The following GMPS variants were observed in gnomAD, a reference collection of about 807,000 sequenced individuals.
GMPS encodes the protein GMP synthase [glutamine-hydrolyzing].
GMPS carries 15 observed loss-of-function variants against 77.9 expected under a neutral mutation model. The observed-to-expected ratio is 0.19, with a 90% CI of 0.13 to 0.30. The LOEUF (loss-of-function observed/expected upper bound fraction) is 0.30, where lower values mean the gene tolerates loss of function less well. Ranked by LOEUF, GMPS falls within the 10% of genes least tolerant of loss-of-function variation. The pLI, the probability that GMPS is intolerant of heterozygous loss-of-function variation, is 1.00. For missense variants in GMPS, 590 were observed against 838.8 expected (o/e 0.70, Z 3.66); for synonymous variants, 224 against 275.9 (o/e 0.81, Z 1.86).
At position 155,894,380 on chromosome 3, in the gene GMPS, C is replaced by A. The variant is rs113963222; in HGVS notation, c.209+681C>A. On this transcript the variant is annotated intron_variant, in intron 2 of 15. Coordinates refer to ENST00000496455, the MANE Select transcript of GMPS (RefSeq NM_003875.3). ...CTGGAAGTACAGGCGGATGCCACCA[C>A]ACCTGGCTAATTTTTGTATTTTTAG... Among the ~76,000 whole-genome samples the A allele has an allele frequency of 5.2e-4, 79 of 152,186 alleles. 4 individuals carry two copies. The highest frequency in any genetic ancestry group is 1.8e-3 in the African/African-American group (76 of 41,532).
intron 3 of GMPS, among the ~76,000 whole-genome samples, chr3:155,898,394 G>A (rs1415650958): frequency 3.9e-5 from 6 of 152,148 alleles, no homozygotes; most frequent in South Asian, 2.1e-4. Flanking sequence ...AGTTGCACAC[G>A]TGATGCCCTG....
rs1754343601 is a variant in GMPS at position 155,886,594 on chromosome 3, A to G, written c.28-6924A>G. On this transcript the variant is annotated intron_variant, in intron 1 of 15. Coordinates refer to ENST00000496455, the MANE Select transcript of GMPS (RefSeq NM_003875.3). The stretch of plus-strand genomic sequence containing the variant: ...AAAAAAAAAAAAAAAAAAATCTAGC[A>G]TGTCTATTCCTGATGACTTTTTTTT... Among the ~76,000 whole-genome samples the G allele has an allele frequency of 3.8e-5, 5 of 132,556 alleles. No homozygotes were observed. The South Asian group carries it at 1.3e-3, about 36-fold the overall frequency. The allele number at this position is 132,556 out of a possible 152,430, so 87.0% of individuals were successfully genotyped here. A position where few individuals can be genotyped will look rare whatever the true frequency, so the allele number is the denominator to read the frequency against.
chr3:155,925,757 A>C (rs1036898779), intron 12 of GMPS, among the ~76,000 whole-genome samples: 4 of 152,072 alleles, frequency 2.6e-5, no homozygotes, highest in African/African-American at 9.7e-5. Flanking sequence ...GGCAGGGATC[A>C]AGAGGTCATT....
At position 155,916,124 on chromosome 3, in the gene GMPS, A is replaced by G; in HGVS notation, c.1144A>G (p.Ser382Gly). The G allele has an allele frequency of 1.2e-6, 2 of 1,613,482 alleles. No homozygotes were observed. The highest frequency in any genetic ancestry group is 1.7e-6 in the Non-Finnish European group (2 of 1,179,460). ...AATTGAAAGTGCATCCCTTGTTGCAAGTGGCAAAGCTGAACTCATCAAAAC... is the reference window on the plus strand; with the variant it reads ...AATTGAAAGTGCATCCCTTGTTGCAGGTGGCAAAGCTGAACTCATCAAAAC... ...DLIESASLVA[S>G]GKAELIKTHH... The change falls in exon 9 of 16, where the codon AGT (serine) becomes GGT (glycine). Residue 382 changes from serine (S) to glycine (G), a missense_variant. By Grantham distance (56) the Ser-to-Gly change is moderately conservative. This residue lies in a region of GMPS where 181 missense variants were observed against 186.8 expected (regional missense o/e 0.97). Coordinates refer to ENST00000496455, the MANE Select transcript of GMPS (RefSeq NM_003875.3).
intron 1 of GMPS, among the ~76,000 whole-genome samples, chr3:155,889,583 G>A (rs1250252879): frequency 1.3e-5 from 2 of 152,138 alleles, no homozygotes; most frequent in African/African-American, 4.8e-5. Context: ...GTGGTAGTTT[G>A]TCACCACCAA....
At position 155,893,545 on chromosome 3, in the gene GMPS, G is replaced by GATGGCCACCACC; in HGVS notation, c.57_68dup (p.Gly20_His23dup). 1 of 1,611,132 alleles carries GATGGCCACCACC rather than the reference G, an allele frequency of 6.2e-7. No individual in the cohort carries two copies. The highest frequency in any genetic ancestry group is 8.5e-7 in the Non-Finnish European group (1 of 1,178,234). ...GGAGAATGCTGGAGGAGACCTTAAGGATGGCCACCACCACTATGAAGGAGC... is the reference window on the plus strand; with the variant it reads ...GGAGAATGCTGGAGGAGACCTTAAGGATGGCCACCACCATGGCCACCACCACTATGAAGGAGC... On this transcript the variant is annotated inframe_insertion, in exon 2 of 16. Transcript: ENST00000496455.
At chr3:155,909,494 C>T (rs1754976191) in intron 5 of GMPS, among the ~76,000 whole-genome samples, 1 of 152,118 alleles carries the variant, frequency 6.6e-6, no homozygotes, top group African/African-American at 2.4e-5. Flanking sequence ...TACTGTGAAA[C>T]AATCTCTATG....
chr3:155,911,885 A>G (rs1435074011), intron 7 of GMPS, among the ~76,000 whole-genome samples: 1 of 151,766 alleles, frequency 6.6e-6, no homozygotes, highest in Non-Finnish European at 1.5e-5. Context: ...CTATTTAATG[A>G]TATTTATGTA....
intron 12 of GMPS, among the ~76,000 whole-genome samples, chr3:155,930,142 G>T (rs1755574759): frequency 6.9e-6 from 1 of 144,476 alleles, no homozygotes; most frequent in Non-Finnish European, 1.5e-5. Flanking sequence ...AAACAGCATG[G>T]TACTGGTACC....
chr3:155,923,804 A>AT (rs1190691463), intron 11 of GMPS, among the ~76,000 whole-genome samples: 14 of 152,264 alleles, frequency 9.2e-5, no homozygotes, highest in African/African-American at 2.9e-4. Flanking sequence ...TAGCCCTAGA[A>AT]TTTAATTGGT....
At chr3:155,874,978 G>A (rs1251800757) in intron 1 of GMPS, among the ~76,000 whole-genome samples, 1 of 143,764 alleles carries the variant, frequency 7.0e-6, no homozygotes, top group Non-Finnish European at 1.5e-5. Flanking sequence ...CATGATCTCG[G>A]CTCACTGCAA....
intron 8 of GMPS, 127 bp downstream of exon 8, chr3:155,914,697 A>G (rs1270572864): frequency 1.1e-5 from 6 of 551,770 alleles, no homozygotes; most frequent in Non-Finnish European, 1.9e-5. Flanking sequence ...TGTGGCTGAG[A>G]GTTTTATTGT....
At chr3:155,889,312 G>A (rs1002581143) in intron 1 of GMPS, among the ~76,000 whole-genome samples, 2 of 152,050 alleles carry the variant, frequency 1.3e-5, no homozygotes, top group African/African-American at 4.8e-5. Context: ...GCCCTCTCCT[G>A]GAAAGGATCT....
rs1308064564 is a variant in GMPS, at chr3:155,940,390, CT to C, written c.*2704del. 9.9e-6 allele frequency: 2 copies of C among 202,886 alleles called. No individual in the cohort carries two copies. The highest frequency in any genetic ancestry group is 7.6e-5 in the East Asian group (1 of 13,138). 12.6% of individuals were successfully genotyped at this position (202,886 alleles called of 1,614,324 possible). A position where few individuals can be genotyped will look rare whatever the true frequency, so the allele number is the denominator to read the frequency against. The stretch of plus-strand genomic sequence containing the variant: ...AGATAGGGTTACACTGTTTTCTAAC[CT>C]TTTTTAAATCCCTTAATCTTGAGGT... On this transcript the variant is annotated 3_prime_UTR_variant, in exon 16 of 16. Transcript: ENST00000496455.
chr3:155,920,470 G>A (rs1755290228), intron 10 of GMPS, among the ~76,000 whole-genome samples: 1 of 151,450 alleles, frequency 6.6e-6, no homozygotes, highest in East Asian at 1.9e-4. Flanking sequence ...AGCTACTCGG[G>A]AGGCTGAGGC....
chr3:155,925,349 A>C lies in GMPS; in HGVS notation c.1543A>C (p.Lys515Gln). The change falls in exon 12 of 16, where the codon AAA (lysine) becomes CAA (glutamine). Residue 515 changes from lysine (K) to glutamine (Q), a missense_variant. By Grantham distance (53) the Lys-to-Gln change is moderately conservative. Transcript: ENST00000496455. ...ACTGAATGCCTTCTTGCTGCCAATT[A>C]AAACTGTAGGTGTGCAGGTGAGTTG... is the stretch of plus-strand genomic sequence containing the variant. Reference protein sequence around the residue: ...HSLNAFLLPIKTVGVQGDCRS... With the variant: ...HSLNAFLLPIQTVGVQGDCRS... The C allele has an allele frequency of 3.1e-6, 5 of 1,610,794 alleles. No homozygotes were observed. Among genetic ancestry groups the C allele is most frequent in the Non-Finnish European group, 2.5e-6 (3 of 1,177,768 alleles).
chr3:155,895,790 T>A (rs964711312), intron 2 of GMPS, among the ~76,000 whole-genome samples: 1 of 152,212 alleles, frequency 6.6e-6, no homozygotes, highest in Non-Finnish European at 1.5e-5. Context: ...TTGGTTTAAG[T>A]ACTACTTGAG....
At chr3:155,926,827 G>A (rs13060931) in intron 12 of GMPS, among the ~76,000 whole-genome samples, 3 of 151,976 alleles carry the variant, frequency 2.0e-5, no homozygotes, top group Admixed American at 6.5e-5. Context: ...AAGTTCAAGA[G>A]CAGCCTGACC....
intron 1 of GMPS, among the ~76,000 whole-genome samples, chr3:155,876,721 G>A (rs1369984340): frequency 1.3e-5 from 2 of 152,122 alleles, no homozygotes; most frequent in African/African-American, 4.8e-5. Context: ...CCAGTGATGT[G>A]TATTTAAAAT....
Sources: allele counts gnomAD v4.1 joint callset (sites outside exome capture counted in the v4.1 genomes callset), GRCh38; gene constraint gnomAD v4.1.1; regional missense constraint gnomAD v4.1.1; transcripts MANE v1.5; gene names NCBI Gene and HGNC (gene_info 2026-07-23, HGNC 2026-07-21).